Variants in ZNF506 observed in about 807,000 individuals in gnomAD.
ZNF506 encodes the protein zinc finger protein 506.
ZNF506 carries 10 observed loss-of-function variants against 11.6 expected under a neutral mutation model. The ratio of observed to expected loss-of-function variants is 0.86; its 90% confidence interval spans 0.53 to 1.46. ZNF506 has a LOEUF of 1.46. Ranked by LOEUF, ZNF506 falls within the 40% of genes most tolerant of loss-of-function variation. The probability of loss-of-function intolerance (pLI) is 0.00; values close to 1 mark genes in which losing one functional copy is unlikely to be tolerated. For missense variants in ZNF506, 425 were observed against 521.2 expected, an observed-to-expected ratio of 0.82 and a Z score of 1.80; for synonymous variants, 156 against 173.3, an observed-to-expected ratio of 0.90 and a Z score of 0.78.
chr19:19,803,386 C>T (rs777627098), intron 3 of ZNF506, among the ~76,000 whole-genome samples: 1 of 152,168 alleles, frequency 6.6e-6, no homozygotes. Flanking sequence ...GTTCTGCCTA[C>T]ATAGAAACCC....
chr19:19,821,213 T>C (rs1944071347), intron 1 of ZNF506, among the ~76,000 whole-genome samples: 1 of 152,072 alleles, frequency 6.6e-6, no homozygotes, highest in Admixed American at 6.5e-5. Flanking sequence ...AAATTTTTAA[T>C]AGGAGAAAAG....
chr19:19,810,993 C>T (rs2062878990), intron 1 of ZNF506, among the ~76,000 whole-genome samples: 1 of 152,180 alleles, frequency 6.6e-6, no homozygotes, highest in African/African-American at 2.4e-5. Flanking sequence ...ATGTAGAATT[C>T]TGTTCTCTAT....
chr19:19,818,625 T>C (rs1355166598), intron 1 of ZNF506, among the ~76,000 whole-genome samples: 1 of 152,216 alleles, frequency 6.6e-6, no homozygotes, highest in Non-Finnish European at 1.5e-5. Context: ...TAGAAACTAA[T>C]TTTTTAAAAC....
At chr19:19,805,244 T>C (rs1010207820) in intron 3 of ZNF506, among the ~76,000 whole-genome samples, 2 of 151,780 alleles carry the variant, frequency 1.3e-5, no homozygotes, top group African/African-American at 4.8e-5. Context: ...TAACATTAAA[T>C]AATAAATTTC....
intron 3 of ZNF506, among the ~76,000 whole-genome samples, chr19:19,804,055 CA>C (rs1171131100): frequency 1.3e-5 from 2 of 151,980 alleles, no homozygotes; most frequent in African/African-American, 4.8e-5. Context: ...ACTAAAACAC[CA>C]AAAGCAACAA....
chr19:19,793,478 G>A lies in ZNF506; in HGVS notation c.*1074C>T, dbSNP rs544450923. On this transcript the variant is annotated 3_prime_UTR_variant, in exon 4 of 4. Transcript: ENST00000540806. ...TTCCATGTTGTTGAATAAAGCTGGA[G>A]CAACTGCTTCAGGTTTTCCTCTAGT... Among the ~76,000 whole-genome samples the A allele has an allele frequency of 1.8e-4, 28 of 152,232 alleles. No homozygotes were observed. The highest frequency in any genetic ancestry group is 6.7e-4 in the African/African-American group (28 of 41,536).
rs767071195 is a variant in ZNF506, at chr19:19,807,077, AAC to A, written c.4-11_4-10del. On this transcript the variant is annotated splice_polypyrimidine_tract_variant and intron_variant, in intron 1 of 3. Coordinates refer to ENST00000540806, the MANE Select transcript of ZNF506 (RefSeq NM_001099269.3). ...CTAAATTGCAATGGTCCCTGAAAAAAACACACACACTTATTTTTACCAAGTGG... is the reference window on the plus strand; with the variant it reads ...CTAAATTGCAATGGTCCCTGAAAAAAACACACACTTATTTTTACCAAGTGG... 2.9e-5 allele frequency: 46 copies of A among 1,613,318 alleles called. 1 individual carries two copies. In the Admixed American group the frequency reaches 4.3e-4, roughly 15 times the overall value.
At chr19:19,800,459 G>A (rs1042968127) in intron 3 of ZNF506, among the ~76,000 whole-genome samples, 2 of 144,448 alleles carry the variant, frequency 1.4e-5, no homozygotes, top group Non-Finnish European at 3.0e-5. Context: ...CTCTGTCTCC[G>A]AGGCCGGAGT....
chr19:19,805,941 T>C (rs1005247772), intron 3 of ZNF506, 90 bp downstream of exon 3: 1 of 1,131,298 alleles, frequency 8.8e-7, no homozygotes, highest in Non-Finnish European at 1.3e-6. Flanking sequence ...GAACACAGCT[T>C]CCCAAATCAC....
chr19:19,799,675 G>A (rs559386123), intron 3 of ZNF506, among the ~76,000 whole-genome samples: 5 of 152,098 alleles, frequency 3.3e-5, no homozygotes, highest in South Asian at 2.1e-4. Context: ...TTGGGAGGCC[G>A]AGGCGGGTGA....
intron 1 of ZNF506, among the ~76,000 whole-genome samples, chr19:19,809,439 G>A (rs1348442204): frequency 6.6e-6 from 1 of 152,028 alleles, no homozygotes; most frequent in African/African-American, 2.4e-5. Flanking sequence ...TTCATCTGAT[G>A]CATGTTTACC....
intron 1 of ZNF506, 55 bp downstream of exon 1, chr19:19,821,546 C>T: frequency 1.2e-6 from 2 of 1,613,418 alleles, no homozygotes; most frequent in Non-Finnish European, 1.7e-6. Context: ...CCACTTCCTC[C>T]CCAGTTCCAA....
At chr19:19,816,524 AT>A (rs1376234756) in intron 1 of ZNF506, among the ~76,000 whole-genome samples, 5 of 151,866 alleles carry the variant, frequency 3.3e-5, no homozygotes, top group Non-Finnish European at 7.4e-5. Context: ...CGCCTGGCTA[AT>A]TTTTTTGTAT....
chr19:19,807,021 C>A lies in ZNF506; in HGVS notation c.51G>T (p.Glu17Asp). The change falls in exon 2 of 4, where the codon GAG (glutamate) becomes GAT (aspartate). Residue 17 changes from glutamate (E) to aspartate (D), a missense_variant. Glu to Asp is a conservative substitution (Grantham distance 45). Coordinates refer to ENST00000540806, the MANE Select transcript of ZNF506 (RefSeq NM_001099269.3). Reference sequence around the variant, plus strand: ...GCTGTGCAGCGTCCAGGCAATGCCACTCCTCCAGAGAGAATTCTATGGCCA... The same window carrying A: ...GCTGTGCAGCGTCCAGGCAATGCCAATCCTCCAGAGAGAATTCTATGGCCA... ...RDVAIEFSLE[E>D]WHCLDAAQRN... is the part of the protein sequence containing the mutation. 1 of 1,614,056 alleles carries A rather than the reference C, an allele frequency of 6.2e-7. No homozygotes were observed. The highest frequency in any genetic ancestry group is 2.2e-5 in the East Asian group (1 of 44,856).
At chr19:19,821,522 T>A (rs2062966984) in intron 1 of ZNF506, 79 bp downstream of exon 1, 2 of 1,599,502 alleles carry the variant, frequency 1.3e-6, no homozygotes, top group Non-Finnish European at 1.7e-6. Context: ...GTTCTGCCAC[T>A]GCCACAGCCA....
chr19:19,802,914 A>G (rs1240721648), intron 3 of ZNF506, among the ~76,000 whole-genome samples: 3 of 152,216 alleles, frequency 2.0e-5, no homozygotes, highest in African/African-American at 7.2e-5. Flanking sequence ...TCACACCTGT[A>G]ATGACAGCTT....
chr19:19,820,961 G>A (rs892217724), intron 1 of ZNF506, among the ~76,000 whole-genome samples: 42 of 151,830 alleles, frequency 2.8e-4, no homozygotes, highest in Non-Finnish European at 5.7e-4. Context: ...GTTCAGTGGC[G>A]CGATCTCAGC....
intron 1 of ZNF506, among the ~76,000 whole-genome samples, chr19:19,807,368 G>C (rs1238077523): frequency 2.0e-5 from 3 of 152,168 alleles, no homozygotes; most frequent in Non-Finnish European, 4.4e-5. Context: ...ACATCATACG[G>C]AATGAGCAGT....
At chr19:19,797,763 G>C (rs1054790317) in intron 3 of ZNF506, 3 of 152,006 alleles carry the variant, frequency 2.0e-5, no homozygotes, top group Non-Finnish European at 4.4e-5. Context: ...AAAAATGATG[G>C]TCATTTATAA....
Sources: allele counts gnomAD v4.1 joint callset (sites outside exome capture counted in the v4.1 genomes callset), GRCh38; gene constraint gnomAD v4.1.1; transcripts MANE v1.5; gene names NCBI Gene and HGNC (gene_info 2026-07-23, HGNC 2026-07-21).